The following TPPP variants were observed in gnomAD, a reference collection of about 807,000 sequenced individuals.
TPPP encodes the protein tubulin polymerization-promoting protein.
TPPP carries 6 observed loss-of-function variants against 15.5 expected under a neutral mutation model. The observed-to-expected ratio is 0.39, with a 90% CI of 0.21 to 0.77. The LOEUF (loss-of-function observed/expected upper bound fraction) is 0.77. Ranked by LOEUF, TPPP falls within the 30% of genes least tolerant of loss-of-function variation. The pLI is 0.42. For synonymous variants in TPPP, 146 were observed against 133.9 expected, an observed-to-expected ratio of 1.09 and a Z score of -0.63; for missense variants, 269 against 307.2, an observed-to-expected ratio of 0.88 and a Z score of 0.93.
rs769969503 is a variant in TPPP at position 666,117 on chromosome 5, C to T, written c.318G>A (p.Lys106=). 3.1e-6 allele frequency: 5 copies of T among 1,608,928 alleles called. No individual in the cohort carries two copies. Among genetic ancestry groups the T allele is most frequent in the Non-Finnish European group, 4.2e-6 (5 of 1,179,798 alleles). The part of the protein sequence containing the change: ...VDIVFSKIKG[K]SCRTITFEQF... ...GCTCAAAGGTGATGGTCCGGCAAGA[C>T]TTCCCTCTACAGGGGCACAGGCGAC... is the stretch of plus-strand genomic sequence containing the variant. The change falls in exon 3 of 4, where the codon AAG becomes AAA. Residue 106 remains lysine, a synonymous_variant. Coordinates refer to ENST00000360578, the MANE Select transcript of TPPP (RefSeq NM_007030.3).
At chr5:673,347 C>T (rs374067023) in intron 2 of TPPP, among the ~76,000 whole-genome samples, 2 of 152,094 alleles carry the variant, frequency 1.3e-5, no homozygotes, top group African/African-American at 2.4e-5. Context: ...CAGGGACCCC[C>T]CGAGGGGAGT....
rs568750308 is a variant in TPPP at position 659,951 on chromosome 5, C to G, written c.*5151G>C. 6.6e-6 allele frequency: 1 copy of G among 152,322 alleles called. No homozygotes were observed. The highest frequency in any genetic ancestry group is 2.4e-5 in the African/African-American group (1 of 41,458). 9.4% of individuals were successfully genotyped at this position (152,322 alleles called of 1,614,324 possible). On this transcript the variant is annotated 3_prime_UTR_variant, in exon 4 of 4. Coordinates refer to ENST00000360578, the MANE Select transcript of TPPP (RefSeq NM_007030.3). ...CACAGGAGCAGTGTGCACACAGACA[C>G]GAGCTGTTTCACTACAGGTTTGCAA...
intron 2 of TPPP, among the ~76,000 whole-genome samples, chr5:672,854 C>T (rs768746980): frequency 1.3e-5 from 2 of 152,214 alleles, no homozygotes; most frequent in Admixed American, 1.3e-4. Flanking sequence ...AAAAACCTGG[C>T]GTAAGGCTGC....
At chr5:676,998 A>G (rs1441466712) in intron 2 of TPPP, among the ~76,000 whole-genome samples, 1 of 145,990 alleles carries the variant, frequency 6.8e-6, no homozygotes, top group Non-Finnish European at 1.5e-5. Context: ...AAACGCGCAC[A>G]CGTGCACACG....
intron 2 of TPPP, chr5:667,131 C>G (rs889635477): frequency 2.0e-5 from 3 of 152,222 alleles, no homozygotes; most frequent in African/African-American, 7.2e-5. Flanking sequence ...ATAGCCAAAA[C>G]GATTTCAAGA....
intron 2 of TPPP, among the ~76,000 whole-genome samples, chr5:673,664 A>G (rs1740300734): frequency 6.6e-6 from 1 of 152,104 alleles, no homozygotes; most frequent in Non-Finnish European, 1.5e-5. Context: ...CCAGACCTTG[A>G]CCCTCATGGT....
chr5:681,462 T>C (rs555901288), intron 1 of TPPP, among the ~76,000 whole-genome samples: 2 of 152,184 alleles, frequency 1.3e-5, no homozygotes, highest in Non-Finnish European at 2.9e-5. Context: ...GCCATCCCAG[T>C]TGTGCCTGTA....
At chr5:692,498 C>T in intron 1 of TPPP, 4 of 677,324 alleles carry the variant, frequency 5.9e-6, no homozygotes, top group Non-Finnish European at 5.4e-6. Flanking sequence ...AAGACAACAG[C>T]CCCCCCAAAA....
upstream of TPPP, among the ~76,000 whole-genome samples, chr5:697,389 C>T (rs116782910): frequency 0.089 from 13,144 of 147,448 alleles, 280 homozygotes; most frequent in Middle Eastern, 0.12. Context: ...AAGAAAGATG[C>T]GGGGACACGG....
chr5:669,320 G>A (rs144742349), intron 2 of TPPP, among the ~76,000 whole-genome samples: 60 of 138,584 alleles, frequency 4.3e-4, no homozygotes, highest in African/African-American at 1.5e-3. Context: ...CTGTGGCGTG[G>A]GGGTCCGCGG....
chr5:673,488 G>A (rs1260049097), intron 2 of TPPP, among the ~76,000 whole-genome samples: 2 of 152,054 alleles, frequency 1.3e-5, no homozygotes, highest in Non-Finnish European at 2.9e-5. Context: ...GAATCCCTTG[G>A]CCTCCCCTCA....
chr5:684,622 G>T (rs1281545374), intron 1 of TPPP, among the ~76,000 whole-genome samples: 2 of 152,078 alleles, frequency 1.3e-5, no homozygotes, highest in Non-Finnish European at 2.9e-5. Flanking sequence ...TGCCGAGGAG[G>T]TGCTTCCCCA....
At chr5:692,049 C>A (rs1740892554) in intron 1 of TPPP, among the ~76,000 whole-genome samples, 2 of 108,086 alleles carry the variant, frequency 1.9e-5, no homozygotes, top group Non-Finnish European at 3.8e-5. Flanking sequence ...AAAACAGCAG[C>A]CCCCAACCCC....
chr5:692,076 C>T (rs1482844536), intron 1 of TPPP, among the ~76,000 whole-genome samples: 1 of 105,438 alleles, frequency 9.5e-6, no homozygotes, highest in Non-Finnish European at 2.0e-5. Context: ...AAACAGCAGC[C>T]CCCCTAAGCC....
chr5:698,608 T>A, the TPPP span, among the ~76,000 whole-genome samples: 1 of 151,912 alleles, frequency 6.6e-6, no homozygotes. Context: ...TTTCCCCTTA[T>A]AAAACCATCA....
Position 660,340 on chromosome 5 carries a change from T to A in TPPP, c.*4762A>T, listed in dbSNP as rs1423799723. 1.3e-5 allele frequency: 2 copies of A among 152,212 alleles called. No individual in the cohort carries two copies. The highest frequency in any genetic ancestry group is 2.9e-5 in the Non-Finnish European group (2 of 68,020). 9.4% of individuals were successfully genotyped at this position (152,212 alleles called of 1,614,324 possible). On this transcript the variant is annotated 3_prime_UTR_variant, in exon 4 of 4. Transcript: ENST00000360578. ...TCCTTTGTGGTTTGGCTTGGTTTAG[T>A]TTTTTAAGAGGTCGAAAGAAAGAAG...
intron 2 of TPPP, among the ~76,000 whole-genome samples, chr5:670,317 C>T (rs1740172099): frequency 6.6e-6 from 1 of 152,210 alleles, no homozygotes; most frequent in African/African-American, 2.4e-5. Context: ...GTGACAGCTA[C>T]CAGCTCCCCT....
rs1277489808 is a variant in TPPP at position 660,206 on chromosome 5, T to C, written c.*4896A>G. 2.3e-5 allele frequency: 1 copy of C among 44,162 alleles called. No homozygotes were observed. Among genetic ancestry groups the C allele is most frequent in the Non-Finnish European group, 3.8e-5 (1 of 26,612 alleles). The allele number at this position is 44,162 out of a possible 1,614,324, so 2.7% of individuals were successfully genotyped here. On this transcript the variant is annotated 3_prime_UTR_variant, in exon 4 of 4. Coordinates refer to ENST00000360578, the MANE Select transcript of TPPP (RefSeq NM_007030.3). ...ACACAGTGTAAAAATATATTGCACA[T>C]ATATATATATATATATATATATAAA...
At chr5:692,753 C>T (rs1256123776) in intron 1 of TPPP, 1 of 965,146 alleles carries the variant, frequency 1.0e-6, no homozygotes, top group Non-Finnish European at 1.2e-6. Context: ...CCTGCCAGGA[C>T]GCGGTGGTGT....
Sources: allele counts gnomAD v4.1 joint callset (sites outside exome capture counted in the v4.1 genomes callset), GRCh38; gene constraint gnomAD v4.1.1; transcripts MANE v1.5; gene names NCBI Gene and HGNC (gene_info 2026-07-23, HGNC 2026-07-21).